The following ST3GAL4 variants were observed in gnomAD, a reference collection of about 807,000 sequenced individuals.
The protein encoded by ST3GAL4 is CMP-N-acetylneuraminate-beta-galactosamide-alpha-2,3-sialyltransferase 4.
A neutral mutation model predicts 42.6 loss-of-function variants in ST3GAL4; 24 were observed. The ratio of observed to expected loss-of-function variants is 0.56; its 90% CI spans 0.41 to 0.79. ST3GAL4 has a LOEUF of 0.79. Among genes scored for constraint, ST3GAL4 ranks in the 30% least tolerant of loss-of-function variants. The pLI, the probability that ST3GAL4 is intolerant of heterozygous loss-of-function variation, is 0.00. For synonymous variants in ST3GAL4, 135 were observed against 163.2 expected, an observed-to-expected ratio of 0.83 and a Z score of 1.32; for missense variants, 311 against 430.8, an observed-to-expected ratio of 0.72 and a Z score of 2.46.
intron 1 of ST3GAL4, among the ~76,000 whole-genome samples, chr11:126,389,899 C>T (rs1042807836): frequency 6.6e-6 from 1 of 151,450 alleles, no homozygotes; most frequent in African/African-American, 2.4e-5. Context: ...ATGGGCCAGG[C>T]GCGGTGGCTC....
At position 126,383,472 on chromosome 11, in the gene ST3GAL4, G is replaced by T. The variant is rs1278840283; in HGVS notation, c.-60-22624G>T. Among the ~76,000 whole-genome samples, 1 of 152,170 alleles carries T rather than the reference G, an allele frequency of 6.6e-6. No individual in the cohort carries two copies. Among genetic ancestry groups the T allele is most frequent in the Non-Finnish European group, 1.5e-5 (1 of 68,032 alleles). On this transcript the variant is annotated intron_variant, in intron 1 of 10. Coordinates refer to ENST00000444328, the MANE Select transcript of ST3GAL4 (RefSeq NM_001254757.2). The surrounding 1 kb of genome is among the most constrained non-coding windows in gnomAD (Gnocchi z 4.5). ...AGCCCAGCCCCCGGCCAGCCCTGAG[G>T]AATGGGGGAAAAGAGTGCCCTGGCT...
Position 126,378,703 on chromosome 11 carries a change from A to G in ST3GAL4, c.-61+22861A>G, listed in dbSNP as rs1029119698. 6.6e-6 allele frequency among the ~76,000 whole-genome samples: 1 copy of G among 152,148 alleles called. No individual in the cohort carries two copies. Among genetic ancestry groups the G allele is most frequent in the Non-Finnish European group, 1.5e-5 (1 of 68,010 alleles). On this transcript the variant is annotated intron_variant, in intron 1 of 10. Coordinates refer to ENST00000444328, the MANE Select transcript of ST3GAL4 (RefSeq NM_001254757.2). The surrounding 1 kb of genome is among the most constrained non-coding windows in gnomAD (Gnocchi z 5.3). Reference sequence around the variant, plus strand: ...TGGTTTTCTTTCCAAATATGACCTGAGCATTGATCTGTCCAATAAGCAAGA... The same window carrying G: ...TGGTTTTCTTTCCAAATATGACCTGGGCATTGATCTGTCCAATAAGCAAGA...
chr11:126,386,513 A>T lies in ST3GAL4; in HGVS notation c.-60-19583A>T, dbSNP rs1421475231. Among the ~76,000 whole-genome samples the T allele has an allele frequency of 6.6e-6, 1 of 152,044 alleles. No individual in the cohort carries two copies. The highest frequency in any genetic ancestry group is 2.4e-5 in the African/African-American group (1 of 41,396). On this transcript the variant is annotated intron_variant, in intron 1 of 10. Transcript: ENST00000444328. This position sits in a 1 kb window ranked among gnomAD's most constrained non-coding sequence, Gnocchi z 4.7. ...CTGTGGAACAAGTAGGGAAGGAGTG[A>T]TGTGACCTCTGTGGCTCTCCTGGGA...
rs1026482429 is a variant in ST3GAL4, at chr11:126,396,603, G to A, written c.-60-9493G>A. 6.6e-6 allele frequency among the ~76,000 whole-genome samples: 1 copy of A among 151,786 alleles called. No individual in the cohort carries two copies. The highest frequency in any genetic ancestry group is 1.5e-5 in the Non-Finnish European group (1 of 68,004). On this transcript the variant is annotated intron_variant, in intron 1 of 10. Transcript: ENST00000444328. The surrounding 1 kb of genome is among the most constrained non-coding windows in gnomAD (Gnocchi z 5.8). The stretch of plus-strand genomic sequence containing the variant: ...CTCTTCGTCACTGTGCGGAGCCTTC[G>A]AAGGACTTGGATGTGCTTGAGACCC...
At position 126,383,023 on chromosome 11, in the gene ST3GAL4, G is replaced by T. The variant is rs932202213; in HGVS notation, c.-60-23073G>T. Among the ~76,000 whole-genome samples, 2 of 152,204 alleles carry T rather than the reference G, an allele frequency of 1.3e-5. No individual in the cohort carries two copies. Among genetic ancestry groups the T allele is most frequent in the Admixed American group, 1.3e-4 (2 of 15,290 alleles). ...CACAGGTGCAGAGAGGCTGAGACAG[G>T]CCCAGAGGACAGTGAGTGTGTGTTG... is the stretch of plus-strand genomic sequence containing the variant. On this transcript the variant is annotated intron_variant, in intron 1 of 10. Transcript: ENST00000444328. The surrounding 1 kb of genome is among the most constrained non-coding windows in gnomAD (Gnocchi z 4.5).
In ST3GAL4 at chr11:126,383,982, C is replaced by T. The variant is rs11220464; in HGVS notation, c.-60-22114C>T. Reference sequence around the variant, plus strand: ...GGAGGGCTTGCTTTTCCTGCCCACCCTCATCTTTGCCGAGTCCTCGTCTGG... The same window carrying T: ...GGAGGGCTTGCTTTTCCTGCCCACCTTCATCTTTGCCGAGTCCTCGTCTGG... On this transcript the variant is annotated intron_variant, in intron 1 of 10. Coordinates refer to ENST00000444328, the MANE Select transcript of ST3GAL4 (RefSeq NM_001254757.2). The surrounding 1 kb of genome is among the most constrained non-coding windows in gnomAD (Gnocchi z 4.5). Among the ~76,000 whole-genome samples the T allele has an allele frequency of 0.13, 19,328 of 152,162 alleles. 1,556 individuals are homozygous for T. The highest frequency in any genetic ancestry group is 0.36 in the East Asian group (1,842 of 5,154).
chr11:126,403,602 T>G, intron 1 of ST3GAL4: 1 of 246,260 alleles, frequency 4.1e-6, no homozygotes, highest in Non-Finnish European at 6.5e-6. Flanking sequence ...GCTCCTCAGG[T>G]CATTGCATTG....
intron 8 of ST3GAL4, chr11:126,408,704 C>T: frequency 3.3e-6 from 2 of 607,176 alleles, no homozygotes; most frequent in Non-Finnish European, 5.7e-6. Context: ...TAAAAGCCTG[C>T]AGGCGTCAGG....
chr11:126,380,259 CAAA>C (rs781686402), intron 1 of ST3GAL4, among the ~76,000 whole-genome samples: 4 of 114,660 alleles, frequency 3.5e-5, no homozygotes, highest in African/African-American at 6.4e-5. Context: ...GAGACTGTAT[CAAA>C]AAAAAAAAAA....
intron 1 of ST3GAL4, among the ~76,000 whole-genome samples, chr11:126,394,483 A>G (rs1953651119): frequency 6.6e-6 from 1 of 152,118 alleles, no homozygotes; most frequent in Non-Finnish European, 1.5e-5. Context: ...GGAGTGTAGT[A>G]GCCTGATCTC....
chr11:126,377,179 T>G (rs1952853740), intron 1 of ST3GAL4, among the ~76,000 whole-genome samples: 2 of 150,604 alleles, frequency 1.3e-5, no homozygotes, highest in South Asian at 4.2e-4. Flanking sequence ...AAATGACACT[T>G]TTTTTTTTTG....
intron 1 of ST3GAL4, among the ~76,000 whole-genome samples, chr11:126,385,709 A>G (rs561747683): frequency 6.6e-6 from 1 of 152,140 alleles, no homozygotes; most frequent in East Asian, 1.9e-4. Flanking sequence ...AGCCCCAGGG[A>G]TGATTTAAAA....
rs1022633924 is a variant in ST3GAL4, at chr11:126,406,664, C to T, written c.101+107C>T. 51 of 1,343,424 alleles carry T rather than the reference C, an allele frequency of 3.8e-5. 1 individual carries two copies. The highest frequency in any genetic ancestry group is 3.2e-4 in the Admixed American group (16 of 49,312). 83.2% of individuals were successfully genotyped at this position (1,343,424 alleles called of 1,614,324 possible). Reference sequence around the variant, plus strand: ...AGTAGGGCAGGAAGGTTCCAAGAGCCGGCACATGACCTCATCCCTTCAGCT... The same window carrying T: ...AGTAGGGCAGGAAGGTTCCAAGAGCTGGCACATGACCTCATCCCTTCAGCT... On this transcript the variant is annotated intron_variant, in intron 3 of 10. Transcript: ENST00000444328. This position sits in a 1 kb window ranked among gnomAD's most constrained non-coding sequence, Gnocchi z 5.4.
At position 126,393,260 on chromosome 11, in the gene ST3GAL4, C is replaced by T. The variant is rs1953588044; in HGVS notation, c.-60-12836C>T. ...AGGTGAACCAGTTTCATCTGACCTG[C>T]TTGCTAACTCAAACATGGCTGCCCA... is the stretch of plus-strand genomic sequence containing the variant. On this transcript the variant is annotated intron_variant, in intron 1 of 10. Coordinates refer to ENST00000444328, the MANE Select transcript of ST3GAL4 (RefSeq NM_001254757.2). The surrounding 1 kb of genome is among the most constrained non-coding windows in gnomAD (Gnocchi z 5.9). 1 of 152,226 alleles carries T rather than the reference C, an allele frequency of 6.6e-6. No homozygotes were observed. The highest frequency in any genetic ancestry group is 6.5e-5 in the Admixed American group (1 of 15,284). The allele number at this position is 152,226 out of a possible 1,614,324, so 9.4% of individuals were successfully genotyped here.
Position 126,406,239 on chromosome 11 carries a change from T to G in ST3GAL4, c.16+68T>G. Reference sequence around the variant, plus strand: ...TCAGAAGCCGTCTTCAGCAGGATCCTGGGACCTCTGGGGGCTGTGGAGGGA... The same window carrying G: ...TCAGAAGCCGTCTTCAGCAGGATCCGGGGACCTCTGGGGGCTGTGGAGGGA... On this transcript the variant is annotated intron_variant, in intron 2 of 10. Transcript: ENST00000444328. This position sits in a 1 kb window ranked among gnomAD's most constrained non-coding sequence, Gnocchi z 5.4. 6.4e-7 allele frequency: 1 copy of G among 1,550,880 alleles called. No individual in the cohort carries two copies. Among genetic ancestry groups the G allele is most frequent in the South Asian group, 1.2e-5 (1 of 84,038 alleles).
In ST3GAL4 at chr11:126,378,188, G is replaced by A. The variant is rs1952887905; in HGVS notation, c.-61+22346G>A. 6.6e-6 allele frequency among the ~76,000 whole-genome samples: 1 copy of A among 152,104 alleles called. No individual in the cohort carries two copies. The highest frequency in any genetic ancestry group is 1.5e-5 in the Non-Finnish European group (1 of 68,018). ...TAGGTAGAACACCTTTACATACTTT[G>A]TTGCTGCATAAAATGAATAATTCGG... is the stretch of plus-strand genomic sequence containing the variant. On this transcript the variant is annotated intron_variant, in intron 1 of 10. Coordinates refer to ENST00000444328, the MANE Select transcript of ST3GAL4 (RefSeq NM_001254757.2). The surrounding 1 kb of genome is among the most constrained non-coding windows in gnomAD (Gnocchi z 5.3).
chr11:126,375,768 C>T (rs1053097132), intron 1 of ST3GAL4, among the ~76,000 whole-genome samples: 2 of 151,958 alleles, frequency 1.3e-5, no homozygotes, highest in Non-Finnish European at 2.9e-5. Flanking sequence ...AGAGATGCTG[C>T]TAAGCGTCCC....
chr11:126,407,162 G>T, intron 4 of ST3GAL4, 90 bp from the exon 5 acceptor site: 1 of 1,499,968 alleles, frequency 6.7e-7, no homozygotes, highest in Non-Finnish European at 9.3e-7. Context: ...GGAAGAGAAG[G>T]CCTTATAATA....
At chr11:126,395,699 C>T (rs977596510) in intron 1 of ST3GAL4, among the ~76,000 whole-genome samples, 3 of 152,192 alleles carry the variant, frequency 2.0e-5, no homozygotes, top group African/African-American at 4.8e-5. Flanking sequence ...TCCCTTTTCA[C>T]GTGGCTGTCC....
Sources: allele counts gnomAD v4.1 joint callset (sites outside exome capture counted in the v4.1 genomes callset), GRCh38; gene constraint gnomAD v4.1.1; non-coding constraint Gnocchi (gnomAD v3.1); transcripts MANE v1.5; gene names NCBI Gene and HGNC (gene_info 2026-07-23, HGNC 2026-07-21).